CNTN5: variants seen among roughly 807,000 people sequenced by gnomAD.
CNTN5 encodes contactin 5.
Under a neutral mutation model 129.1 loss-of-function variants are expected in CNTN5, and 77 were observed. That is an observed-to-expected ratio of 0.60 (90% confidence interval 0.50 to 0.72). CNTN5 has a LOEUF of 0.72. Ranked by LOEUF, CNTN5 falls within the 30% of genes least tolerant of loss-of-function variation. The pLI is 0.00. For synonymous variants in CNTN5, 509 were observed against 465.6 expected (o/e 1.09, Z -1.20); for missense variants, 1,478 against 1,328.8 (o/e 1.11, Z -1.75).
chr11:100,104,727 T>C (rs961852582), intron 13 of CNTN5, among the ~76,000 whole-genome samples: 2 of 152,098 alleles, frequency 1.3e-5, no homozygotes, highest in Non-Finnish European at 2.9e-5. Context: ...CAGGACATAG[T>C]ATATATCTGG....
chr11:99,638,161 T>C (rs682234), intron 3 of CNTN5, among the ~76,000 whole-genome samples: 142,429 of 152,136 alleles, frequency 0.94, 67,267 homozygotes, highest in Non-Finnish European at 1. Context: ...AAAGGTTCTT[T>C]GTACATGGTG....
At chr11:99,052,195 T>C (rs1864454090) in intron 1 of CNTN5, among the ~76,000 whole-genome samples, 1 of 151,840 alleles carries the variant, frequency 6.6e-6, no homozygotes, top group Non-Finnish European at 1.5e-5. Flanking sequence ...TGTGTGTATA[T>C]GTAACATATG....
chr11:99,991,250 A>T (rs558767400), intron 8 of CNTN5, among the ~76,000 whole-genome samples: 1 of 152,184 alleles, frequency 6.6e-6, no homozygotes, highest in East Asian at 1.9e-4. Context: ...GGTGGATCAC[A>T]AGGCCAGGAG....
At chr11:100,333,581 A>C (rs1951957916) in intron 21 of CNTN5, among the ~76,000 whole-genome samples, 1 of 152,180 alleles carries the variant, frequency 6.6e-6, no homozygotes, top group Non-Finnish European at 1.5e-5. Context: ...CTGATATAAA[A>C]ATAGGCACAT....
intron 3 of CNTN5, among the ~76,000 whole-genome samples, chr11:99,731,224 C>T (rs942786601): frequency 1.3e-5 from 2 of 152,002 alleles, no homozygotes; most frequent in Non-Finnish European, 2.9e-5. Context: ...TCTCCTGCCT[C>T]AGCCTCCCGA....
At chr11:100,232,881 A>G (rs1949521409) in intron 16 of CNTN5, among the ~76,000 whole-genome samples, 1 of 152,214 alleles carries the variant, frequency 6.6e-6, no homozygotes, top group Admixed American at 6.5e-5. Context: ...GGTTCTTCCT[A>G]TATGTCGGGC....
chr11:99,838,002 AAT>A (rs1345070723), intron 4 of CNTN5, among the ~76,000 whole-genome samples: 2 of 152,124 alleles, frequency 1.3e-5, no homozygotes, highest in Non-Finnish European at 2.9e-5. Flanking sequence ...AAATACAGAA[AAT>A]ATGTCAATTT....
intron 3 of CNTN5, among the ~76,000 whole-genome samples, chr11:99,611,646 C>A (rs1950595732): frequency 6.6e-6 from 1 of 152,128 alleles, no homozygotes; most frequent in Non-Finnish European, 1.5e-5. Flanking sequence ...TCAACTCTTT[C>A]ATGATTCATG....
At chr11:100,029,756 A>AT (rs1174677750) in intron 9 of CNTN5, among the ~76,000 whole-genome samples, 1 of 152,120 alleles carries the variant, frequency 6.6e-6, no homozygotes, top group African/African-American at 2.4e-5. Context: ...TTTTGTAATG[A>AT]TTTTTTAAGT....
intron 8 of CNTN5, among the ~76,000 whole-genome samples, chr11:99,993,520 G>A (rs1188587374): frequency 1.3e-5 from 2 of 152,136 alleles, no homozygotes; most frequent in African/African-American, 4.8e-5. Context: ...TTCCACCTCA[G>A]ACCATCAGGC....
chr11:100,010,449 G>T (rs188086481), intron 9 of CNTN5, among the ~76,000 whole-genome samples: 1 of 152,044 alleles, frequency 6.6e-6, no homozygotes, highest in Non-Finnish European at 1.5e-5. Flanking sequence ...GAAAAAACTT[G>T]AACTGTATTT....
At chr11:99,929,076 A>T (rs766094135) in intron 7 of CNTN5, among the ~76,000 whole-genome samples, 4 of 152,070 alleles carry the variant, frequency 2.6e-5, no homozygotes, top group African/African-American at 7.2e-5. Context: ...GTGGGGGCAA[A>T]ATGCTGCCAG....
intron 13 of CNTN5, among the ~76,000 whole-genome samples, chr11:100,102,541 CA>C (rs1250276433): frequency 3.3e-5 from 5 of 150,352 alleles, no homozygotes; most frequent in Admixed American, 6.6e-5. Flanking sequence ...TACAGTTTTC[CA>C]GAGGTCAAAA....
At chr11:99,233,764 G>C (rs1454326351) in intron 1 of CNTN5, among the ~76,000 whole-genome samples, 1 of 152,014 alleles carries the variant, frequency 6.6e-6, no homozygotes, top group Non-Finnish European at 1.5e-5. Flanking sequence ...TGGCTGACCC[G>C]GTGAAACCCA....
intron 3 of CNTN5, among the ~76,000 whole-genome samples, chr11:99,616,752 G>A (rs561201878): frequency 1.3e-5 from 2 of 152,298 alleles, no homozygotes; most frequent in African/African-American, 4.8e-5. Flanking sequence ...GGGAGGTAAA[G>A]AAGGTGAAAT....
chr11:100,142,813 A>G (rs1274511897), intron 13 of CNTN5, among the ~76,000 whole-genome samples: 1 of 152,124 alleles, frequency 6.6e-6, no homozygotes, highest in African/African-American at 2.4e-5. Flanking sequence ...AAGTGATTAC[A>G]TATTAGTAGA....
At chr11:99,907,792 G>C (rs565890204) in intron 6 of CNTN5, among the ~76,000 whole-genome samples, 1 of 151,972 alleles carries the variant, frequency 6.6e-6, no homozygotes, top group Admixed American at 6.6e-5. Flanking sequence ...ATTACAGAAA[G>C]TTGTAAAGTT....
chr11:99,352,631 C>A (rs1938376401), intron 2 of CNTN5, among the ~76,000 whole-genome samples: 1 of 152,170 alleles, frequency 6.6e-6, no homozygotes, highest in Non-Finnish European at 1.5e-5. Flanking sequence ...TCCTTACTTT[C>A]CACAATTTCT....
intron 3 of CNTN5, among the ~76,000 whole-genome samples, chr11:99,661,978 T>C (rs1035528558): frequency 1.4e-4 from 21 of 152,038 alleles, no homozygotes; most frequent in Admixed American, 5.9e-4. Context: ...ATAGAGCAAA[T>C]TGATTGTGTT....
Sources: allele counts gnomAD v4.1 joint callset (sites outside exome capture counted in the v4.1 genomes callset), GRCh38; gene constraint gnomAD v4.1.1; transcripts MANE v1.5; gene names NCBI Gene and HGNC (gene_info 2026-07-23, HGNC 2026-07-21).